Variants in SDK1 observed in about 807,000 individuals in gnomAD.
The protein encoded by SDK1 is protein sidekick-1.
Under a neutral mutation model 245.5 loss-of-function variants are expected in SDK1, and 157 were observed. The ratio of observed to expected loss-of-function variants is 0.64; its 90% CI spans 0.56 to 0.73. SDK1 has a LOEUF of 0.73. Ranked by LOEUF, SDK1 falls within the 30% of genes least tolerant of loss-of-function variation. The probability of loss-of-function intolerance (pLI) is 0.00; values close to 1 mark genes in which losing one functional copy is unlikely to be tolerated. For synonymous variants in SDK1, 1,647 were observed against 1,278.5 expected (o/e 1.29, Z -6.15); for missense variants, 3,583 against 3,002.3 (o/e 1.19, Z -4.52).
chr7:3,999,004 C>A (rs537967737), intron 14 of SDK1, among the ~76,000 whole-genome samples: 2 of 152,282 alleles, frequency 1.3e-5, no homozygotes, highest in Admixed American at 6.5e-5. Flanking sequence ...GCATTCTTCT[C>A]CTTTATGAGT....
At chr7:3,949,976 T>A (rs1780734188) in intron 5 of SDK1, among the ~76,000 whole-genome samples, 1 of 152,206 alleles carries the variant, frequency 6.6e-6, no homozygotes, top group African/African-American at 2.4e-5. Context: ...ACGTAGTGGC[T>A]GATACATGAA....
intron 1 of SDK1, among the ~76,000 whole-genome samples, chr7:3,592,973 C>A (rs1440317500): frequency 1.3e-5 from 2 of 152,154 alleles, no homozygotes; most frequent in Non-Finnish European, 2.9e-5. Context: ...GGACTTGTAC[C>A]TAGGACAAGA....
At position 3,992,170 on chromosome 7, in the gene SDK1, G is replaced by A. The variant is rs1583758474; in HGVS notation, c.2131+4848G>A. Among the ~76,000 whole-genome samples, 3 of 152,354 alleles carry A rather than the reference G, an allele frequency of 2.0e-5. No homozygotes were observed. The South Asian group carries it at 6.2e-4, about 32-fold the overall frequency. On this transcript the variant is annotated intron_variant, in intron 14 of 44. Coordinates refer to ENST00000404826, the MANE Select transcript of SDK1 (RefSeq NM_152744.4). ...CCACATGGTTTAGTGGCCGAGGCAGGCACTTGATAGCCTCTGCCCTGACGA... is the reference window on the plus strand; with the variant it reads ...CCACATGGTTTAGTGGCCGAGGCAGACACTTGATAGCCTCTGCCCTGACGA...
chr7:3,378,431 G>C (rs1459079639), intron 1 of SDK1, among the ~76,000 whole-genome samples: 1 of 152,096 alleles, frequency 6.6e-6, no homozygotes, highest in African/African-American at 2.4e-5. Context: ...GTTATCACTT[G>C]CGTTTCTTCG....
At chr7:3,561,737 G>C (rs1229728272) in intron 1 of SDK1, among the ~76,000 whole-genome samples, 1 of 152,152 alleles carries the variant, frequency 6.6e-6, no homozygotes, top group South Asian at 2.1e-4. Context: ...TAAAGGCCAG[G>C]CTACAAAGAG....
chr7:4,096,850 G>C, intron 22 of SDK1, among the ~76,000 whole-genome samples: 1 of 152,110 alleles, frequency 6.6e-6, no homozygotes, highest in Middle Eastern at 3.2e-3. Context: ...CACGGGGGTC[G>C]CTGTGGTCAG....
intron 35 of SDK1, among the ~76,000 whole-genome samples, chr7:4,180,404 G>T (rs141981645): frequency 1.7e-5 from 2 of 116,206 alleles, no homozygotes; most frequent in African/African-American, 6.7e-5. Context: ...CCCAGCGCCT[G>T]GCTCCAGCTC....
rs540124183 is a variant in SDK1, at chr7:3,726,700, A to C, written c.713+84595A>C. Reference sequence around the variant, plus strand: ...GGAACATCAACCACTGTGTTCTCTCATATAATCGGGAGCTGGGAGAAATCA... The same window carrying C: ...GGAACATCAACCACTGTGTTCTCTCCTATAATCGGGAGCTGGGAGAAATCA... On this transcript the variant is annotated intron_variant, in intron 4 of 44. Coordinates refer to ENST00000404826, the MANE Select transcript of SDK1 (RefSeq NM_152744.4). Among the ~76,000 whole-genome samples the C allele has an allele frequency of 7.6e-4, 116 of 152,340 alleles. 1 individual carries two copies. The highest frequency in any genetic ancestry group is 2.7e-3 in the African/African-American group (113 of 41,584).
chr7:4,167,181 C>T (rs190319624), intron 32 of SDK1, among the ~76,000 whole-genome samples: 5 of 152,258 alleles, frequency 3.3e-5, no homozygotes, highest in Non-Finnish European at 7.3e-5. Context: ...ATCACGAGGT[C>T]GAGATTGAGA....
chr7:3,356,445 G>C (rs1384322355), intron 1 of SDK1, among the ~76,000 whole-genome samples: 1 of 152,094 alleles, frequency 6.6e-6, no homozygotes, highest in Non-Finnish European at 1.5e-5. Context: ...TTATCCCCAA[G>C]TCTCTGTGTT....
chr7:3,945,825 G>C (rs981693884), intron 5 of SDK1, among the ~76,000 whole-genome samples: 2 of 149,014 alleles, frequency 1.3e-5, no homozygotes, highest in Non-Finnish European at 3.0e-5. Flanking sequence ...TGTGAACCTG[G>C]GGAGCGGAGC....
chr7:4,205,817 C>G (rs931054534), intron 35 of SDK1, 62 bp from the exon 36 acceptor site: 1 of 1,340,292 alleles, frequency 7.5e-7, no homozygotes, highest in South Asian at 1.3e-5. Flanking sequence ...GGCATGTGGG[C>G]GAGGGTCCGG....
intron 22 of SDK1, among the ~76,000 whole-genome samples, chr7:4,105,450 G>T (rs1242251054): frequency 6.6e-6 from 1 of 151,966 alleles, no homozygotes; most frequent in Non-Finnish European, 1.5e-5. Context: ...GGGACTACAG[G>T]CACGTGCCAC....
rs555215307 is a variant in SDK1 at position 3,503,918 on chromosome 7, G to T, written c.299-115162G>T. Among the ~76,000 whole-genome samples, 9 of 152,154 alleles carry T rather than the reference G, an allele frequency of 5.9e-5. 1 individual carries two copies. In the East Asian group the frequency reaches 1.7e-3, roughly 29 times the overall value. On this transcript the variant is annotated intron_variant, in intron 1 of 44. Transcript: ENST00000404826. ...CGTAATCCTAGCACTTTGGGAGGCC[G>T]AGGTGGGCGGATCACGAGGTCAGGA...
intron 1 of SDK1, among the ~76,000 whole-genome samples, chr7:3,378,638 T>C (rs1236206651): frequency 2.0e-5 from 3 of 152,084 alleles, no homozygotes; most frequent in Non-Finnish European, 1.5e-5. Flanking sequence ...TCATGCTGTT[T>C]GTTTACTTCA....
intron 5 of SDK1, among the ~76,000 whole-genome samples, chr7:3,909,977 T>TTTATA (rs1235534662): frequency 6.6e-6 from 1 of 152,192 alleles, no homozygotes; most frequent in Non-Finnish European, 1.5e-5. Context: ...AGGGCAAGGT[T>TTTATA]CATTTAAAAT....
intron 22 of SDK1, 133 bp downstream of exon 22, chr7:4,079,717 G>A: frequency 7.9e-7 from 1 of 1,265,954 alleles, no homozygotes; most frequent in Non-Finnish European, 1.1e-6. Context: ...AGAACCAGGG[G>A]CTGGAGATAG....
intron 1 of SDK1, among the ~76,000 whole-genome samples, chr7:3,317,180 C>CAAAAAAAAAAAAAAA (rs57138474): frequency 3.1e-5 from 1 of 32,712 alleles, no homozygotes; most frequent in Non-Finnish European, 5.6e-5. Context: ...GACTCTGTCT[C>CAAAAAAAAAAAAAAA]AAAAAAAAAA....
At chr7:3,314,113 A>G (rs1779610597) in intron 1 of SDK1, among the ~76,000 whole-genome samples, 1 of 152,184 alleles carries the variant, frequency 6.6e-6, no homozygotes, top group African/African-American at 2.4e-5. Flanking sequence ...TTTAAGCCAT[A>G]CAGGGGATTC....
Sources: allele counts gnomAD v4.1 joint callset (sites outside exome capture counted in the v4.1 genomes callset), GRCh38; gene constraint gnomAD v4.1.1; transcripts MANE v1.5; gene names NCBI Gene and HGNC (gene_info 2026-07-23, HGNC 2026-07-21).